FRAS1: variants seen among roughly 807,000 people sequenced by gnomAD.
FRAS1 encodes the protein extracellular matrix organizing protein FRAS1.
A neutral mutation model predicts 435.2 loss-of-function variants in FRAS1; 290 were observed. The ratio of observed to expected loss-of-function variants is 0.67; its 90% CI spans 0.61 to 0.73. The LOEUF (loss-of-function observed/expected upper bound fraction) is 0.73. FRAS1 is among the 30% of genes least tolerant of loss of function. The pLI is 0.00. For synonymous variants in FRAS1, 1,800 were observed against 1,851.0 expected (o/e 0.97, Z 0.71); for missense variants, 4,860 against 5,001.5 (o/e 0.97, Z 0.85).
At chr4:78,326,438 G>A (rs1221754353) in intron 18 of FRAS1, among the ~76,000 whole-genome samples, 1 of 152,186 alleles carries the variant, frequency 6.6e-6, no homozygotes, top group Non-Finnish European at 1.5e-5. Flanking sequence ...GAAATAGCAG[G>A]TAGGGGAGTA....
intron 47 of FRAS1, among the ~76,000 whole-genome samples, chr4:78,455,753 T>C (rs2627650): frequency 0.74 from 112,077 of 151,980 alleles, 41,697 homozygotes; most frequent in African/African-American, 0.79. Context: ...AGTCCAGTCC[T>C]TGTATGCGCT....
intron 14 of FRAS1, 121 bp downstream of exon 14, chr4:78,286,660 C>G: frequency 1.1e-6 from 1 of 922,660 alleles, no homozygotes; most frequent in South Asian, 1.7e-5. Context: ...AGAAGAAACT[C>G]TAAACAAGAC....
At chr4:78,330,959 G>A (rs345498) in intron 18 of FRAS1, among the ~76,000 whole-genome samples, 87,861 of 151,934 alleles carry the variant, frequency 0.58, 27,265 homozygotes, top group Non-Finnish European at 0.7. Flanking sequence ...CTGGTTTTAC[G>A]GTTTGTGGGG....
chr4:78,193,018 A>T (rs1262175801), intron 2 of FRAS1, among the ~76,000 whole-genome samples: 1 of 152,020 alleles, frequency 6.6e-6, no homozygotes, highest in Admixed American at 6.5e-5. Context: ...TTCTGCCTTC[A>T]TTTCGTTATG....
At chr4:78,398,292 C>A (rs1732752725) in intron 29 of FRAS1, among the ~76,000 whole-genome samples, 2 of 152,168 alleles carry the variant, frequency 1.3e-5, no homozygotes, top group South Asian at 4.1e-4. Context: ...TACCTTGGAC[C>A]ATGCTTTTCA....
intron 16 of FRAS1, 124 bp downstream of exon 16, chr4:78,315,858 T>C: frequency 9.2e-7 from 1 of 1,081,496 alleles, no homozygotes; most frequent in Non-Finnish European, 1.4e-6. Flanking sequence ...CTTTAAAAGA[T>C]AGCTTTTTTC....
rs541387538 is a variant in FRAS1, at chr4:78,285,544, T to A, written c.1400-861T>A. On this transcript the variant is annotated intron_variant, in intron 13 of 73. Transcript: ENST00000512123. ...CCTCCCGGGTTCAAGCGATTCTCCT[T>A]GCCTCAGCCTCCTGAGTAGCTGAGA... Among the ~76,000 whole-genome samples the A allele has an allele frequency of 4.0e-5, 6 of 151,122 alleles. No individual in the cohort carries two copies. In the South Asian group the frequency reaches 1.3e-3, roughly 32 times the overall value.
intron 54 of FRAS1, among the ~76,000 whole-genome samples, chr4:78,476,424 C>G (rs1719855368): frequency 6.6e-6 from 1 of 151,456 alleles, no homozygotes; most frequent in South Asian, 2.1e-4. Flanking sequence ...ATACAGGGCC[C>G]CATGTATTTG....
chr4:78,440,271 A>T (rs1227087761), intron 40 of FRAS1, among the ~76,000 whole-genome samples: 1 of 151,852 alleles, frequency 6.6e-6, no homozygotes, highest in Non-Finnish European at 1.5e-5. Context: ...TGACCTCATG[A>T]TCCACCCGCC....
chr4:78,161,756 AAAAAAAAAAAAAAAAAG>A (rs1190685052), intron 2 of FRAS1, among the ~76,000 whole-genome samples: 26 of 147,350 alleles, frequency 1.8e-4, no homozygotes, highest in African/African-American at 6.0e-4. Flanking sequence ...AAAAAAAAAA[AAAAAAAAAAAAAAAAAG>A]AAAAGAAAAG....
At position 78,479,734 on chromosome 4, in the gene FRAS1, T is replaced by A; in HGVS notation, c.8443+16T>A. ...GAGGACGCAGGTAATGGAGAGTGTC[T>A]CTGAGTTTCCTTCACCTGTCTCCTG... On this transcript the variant is annotated intron_variant, in intron 56 of 73. Transcript: ENST00000512123. 1 of 1,532,386 alleles carries A rather than the reference T, an allele frequency of 6.5e-7. No individual in the cohort carries two copies. Among genetic ancestry groups the A allele is most frequent in the Non-Finnish European group, 8.8e-7 (1 of 1,133,458 alleles). The allele number at this position is 1,532,386 out of a possible 1,614,324, so 94.9% of individuals were successfully genotyped here. A position where few individuals can be genotyped will look rare whatever the true frequency, so the allele number is the denominator to read the frequency against.
At chr4:78,367,721 C>T (rs563358507) in intron 22 of FRAS1, among the ~76,000 whole-genome samples, 2 of 151,978 alleles carry the variant, frequency 1.3e-5, no homozygotes, top group South Asian at 2.1e-4. Flanking sequence ...AACATAAATG[C>T]GGGACTTTTC....
rs757660378 is a variant in FRAS1, at chr4:78,508,797, T to C, written c.9571T>C (p.Ser3191Pro). The C allele has an allele frequency of 6.2e-7, 1 of 1,613,562 alleles. No individual in the cohort carries two copies. The highest frequency in any genetic ancestry group is 2.2e-5 in the East Asian group (1 of 44,818). Residue 3191 changes from serine (S) to proline (P), a missense_variant, in exon 63 of 74, where the codon TCC becomes CCC. Coordinates refer to ENST00000512123, the MANE Select transcript of FRAS1 (RefSeq NM_025074.7). ...CAAGGAAGGAGTCAAGAAATCCCCC[T>C]CCCCAGGCTACCCACTGGTCTGTGT... The part of the protein sequence containing the change: ...VTKEGVKKSP[S>P]PGYPLVCVTP...
chr4:78,402,428 G>A (rs973724096), intron 30 of FRAS1, among the ~76,000 whole-genome samples: 16 of 152,052 alleles, frequency 1.1e-4, no homozygotes, highest in Non-Finnish European at 1.9e-4. Flanking sequence ...GGTCAGTCTA[G>A]CTGAGATGTC....
intron 2 of FRAS1, among the ~76,000 whole-genome samples, chr4:78,188,704 G>A (rs529389859): frequency 2.3e-4 from 35 of 152,160 alleles, no homozygotes; most frequent in Non-Finnish European, 4.1e-4. Context: ...ACATAAAACT[G>A]ACCATCACAT....
intron 30 of FRAS1, among the ~76,000 whole-genome samples, chr4:78,404,812 A>G (rs1733038775): frequency 6.6e-6 from 1 of 152,184 alleles, no homozygotes; most frequent in African/African-American, 2.4e-5. Context: ...TATAAATCTT[A>G]GCTACTGTTG....
At chr4:78,511,923 C>T (rs1721055849) in intron 64 of FRAS1, among the ~76,000 whole-genome samples, 1 of 152,218 alleles carries the variant, frequency 6.6e-6, no homozygotes, top group African/African-American at 2.4e-5. Context: ...GGCTTCCCCT[C>T]CTGGCTTCTC....
At chr4:78,302,277 C>G (rs1578238043) in intron 14 of FRAS1, among the ~76,000 whole-genome samples, 1 of 151,618 alleles carries the variant, frequency 6.6e-6, no homozygotes, top group East Asian at 1.9e-4. Flanking sequence ...TGGGTTGGTT[C>G]CAAGTCTTTG....
At chr4:78,477,335 G>A (rs1193439374) in intron 54 of FRAS1, among the ~76,000 whole-genome samples, 1 of 152,120 alleles carries the variant, frequency 6.6e-6, no homozygotes, top group Non-Finnish European at 1.5e-5. Flanking sequence ...AGCGTATGAG[G>A]TAGGAATATT....
Sources: allele counts gnomAD v4.1 joint callset (sites outside exome capture counted in the v4.1 genomes callset), GRCh38; gene constraint gnomAD v4.1.1; transcripts MANE v1.5; gene names NCBI Gene and HGNC (gene_info 2026-07-23, HGNC 2026-07-21).